SULT1E1: variants seen among roughly 807,000 people sequenced by gnomAD.
SULT1E1 encodes sulfotransferase 1E1.
Under a neutral mutation model 33.6 loss-of-function variants are expected in SULT1E1, and 36 were observed. That is an observed-to-expected ratio of 1.07 (90% CI 0.82 to 1.41). The LOEUF (loss-of-function observed/expected upper bound fraction) is 1.41, where lower values mean the gene tolerates loss of function less well. Ranked by LOEUF, SULT1E1 falls within the 40% of genes most tolerant of loss-of-function variation. The probability of loss-of-function intolerance (pLI) is 0.00; values close to 1 mark genes in which losing one functional copy is unlikely to be tolerated. For synonymous variants in SULT1E1, 121 were observed against 111.7 expected (o/e 1.08, Z -0.53); for missense variants, 371 against 345.7 (o/e 1.07, Z -0.58).
downstream of SULT1E1, among the ~76,000 whole-genome samples, chr4:69,839,975 G>C (rs911910827): frequency 2.6e-5 from 4 of 152,074 alleles, no homozygotes; most frequent in African/African-American, 9.7e-5. Flanking sequence ...GCTTACTTAC[G>C]TCAATTATAA....
chr4:69,846,678 G>A (rs1720984251), intron 6 of SULT1E1, among the ~76,000 whole-genome samples: 1 of 151,624 alleles, frequency 6.6e-6, no homozygotes. Context: ...GTTTGCCTTT[G>A]CTAGATAATG....
intron 4 of SULT1E1, among the ~76,000 whole-genome samples, chr4:69,850,022 T>C (rs1721070172): frequency 6.7e-6 from 1 of 150,328 alleles, no homozygotes; most frequent in African/African-American, 2.4e-5. Context: ...TCCACATAAT[T>C]AAAAAAAAAT....
chr4:69,855,241 C>T, intron 3 of SULT1E1, 60 bp downstream of exon 3: 2 of 1,522,498 alleles, frequency 1.3e-6, no homozygotes, highest in Non-Finnish European at 1.8e-6. Flanking sequence ...TTGCTTGTAC[C>T]ATGTACATAC....
chr4:69,840,098 A>C (rs1464624655), downstream of SULT1E1, among the ~76,000 whole-genome samples: 2 of 152,194 alleles, frequency 1.3e-5, no homozygotes, highest in Non-Finnish European at 2.9e-5. Context: ...AATGTAAAAC[A>C]ATTGTTTTCA....
At position 69,857,533 on chromosome 4, in the gene SULT1E1, C is replaced by G. The variant is rs1721267492; in HGVS notation, c.112G>C (p.Asp38His). 1.2e-6 allele frequency: 2 copies of G among 1,610,610 alleles called. No individual in the cohort carries two copies. Among genetic ancestry groups the G allele is most frequent in the Non-Finnish European group, 1.7e-6 (2 of 1,179,106 alleles). ...DNVEAFQARP[D>H]DLVIATYPKS... Reference sequence around the variant, plus strand: ...GGGTAGGTGGCAATGACAAGATCATCTGGTCTTGCCTGGAACGCTTCCACA... The same window carrying G: ...GGGTAGGTGGCAATGACAAGATCATGTGGTCTTGCCTGGAACGCTTCCACA... Residue 38 changes from aspartate (D) to histidine (H), a missense_variant, in exon 2 of 8, where the codon GAT (aspartate) becomes CAT (histidine). By Grantham distance (81) the Asp-to-His change is moderately conservative. Coordinates refer to ENST00000226444, the MANE Select transcript of SULT1E1 (RefSeq NM_005420.3).
the SULT1E1 span, among the ~76,000 whole-genome samples, chr4:69,832,812 C>T: frequency 6.6e-6 from 1 of 152,026 alleles, no homozygotes; most frequent in Non-Finnish European, 1.5e-5. Flanking sequence ...GAACTCATAA[C>T]ACTTACAGAG....
chr4:69,823,125 C>A, the SULT1E1 span, among the ~76,000 whole-genome samples: 2 of 152,192 alleles, frequency 1.3e-5, no homozygotes, highest in African/African-American at 4.8e-5. Flanking sequence ...GCAGACTCAA[C>A]GTCCAAAGAC....
At chr4:69,836,833 T>C (rs972284024), downstream of SULT1E1, among the ~76,000 whole-genome samples, 1 of 152,238 alleles carries the variant, frequency 6.6e-6, no homozygotes, top group Non-Finnish European at 1.5e-5. Flanking sequence ...TGGTTTTATC[T>C]GAAATTGTAA....
the SULT1E1 span, among the ~76,000 whole-genome samples, chr4:69,828,158 T>A: frequency 6.6e-6 from 1 of 152,152 alleles, no homozygotes; most frequent in Non-Finnish European, 1.5e-5. Context: ...GGTGAGGCCT[T>A]CTCAGTGTTA....
chr4:69,839,680 GCCACCCCTATGTAT>G (rs1312154523), downstream of SULT1E1, among the ~76,000 whole-genome samples: 1 of 152,028 alleles, frequency 6.6e-6, no homozygotes, highest in Non-Finnish European at 1.5e-5. Flanking sequence ...AGCTACATTG[GCCACCCCTATGTAT>G]TTTACCACAT....
rs1440086663 is a variant in SULT1E1 at position 69,857,768 on chromosome 4, T to C, written c.-9-115A>G. On this transcript the variant is annotated intron_variant, in intron 1 of 7. Transcript: ENST00000226444. ...CCTAGCACTTCTTAGTTGTTGCACATATGGGGCAAAAACATAGTAAAGTTG... is the reference window on the plus strand; with the variant it reads ...CCTAGCACTTCTTAGTTGTTGCACACATGGGGCAAAAACATAGTAAAGTTG... The C allele has an allele frequency of 6.7e-6, 6 of 891,050 alleles. No individual in the cohort carries two copies. The African/African-American group carries it at 6.8e-5, about 10-fold the overall frequency. 55.2% of individuals were successfully genotyped at this position (891,050 alleles called of 1,614,324 possible).
chr4:69,855,055 A>C (rs1318177801), intron 3 of SULT1E1, among the ~76,000 whole-genome samples: 1 of 152,072 alleles, frequency 6.6e-6, no homozygotes, highest in Non-Finnish European at 1.5e-5. Flanking sequence ...AAATGTTTAC[A>C]TATTACTAAA....
At chr4:69,848,430 A>G (rs575766809) in intron 5 of SULT1E1, among the ~76,000 whole-genome samples, 1 of 151,956 alleles carries the variant, frequency 6.6e-6, no homozygotes, top group South Asian at 2.1e-4. Context: ...TAAAGCTGAC[A>G]AAATAATATA....
At chr4:69,823,299 C>T in the SULT1E1 span, among the ~76,000 whole-genome samples, 1 of 152,116 alleles carries the variant, frequency 6.6e-6, no homozygotes, top group Non-Finnish European at 1.5e-5. Context: ...GTTATCTGGG[C>T]CACTATTTCA....
intron 3 of SULT1E1, 34 bp from the exon 4 acceptor site, chr4:69,854,348 C>T: frequency 7.2e-7 from 1 of 1,387,010 alleles, no homozygotes; most frequent in Non-Finnish European, 1.0e-6. Flanking sequence ...TAAGCAACTT[C>T]AAAAATTGTA....
chr4:69,844,914 C>T (rs1720944100), intron 6 of SULT1E1, among the ~76,000 whole-genome samples: 1 of 152,088 alleles, frequency 6.6e-6, no homozygotes. Context: ...GCAATACTAA[C>T]CGCAATGTGT....
At chr4:69,844,391 C>T in intron 6 of SULT1E1, 50 bp from the exon 7 acceptor site, 1 of 1,393,332 alleles carries the variant, frequency 7.2e-7, no homozygotes, top group East Asian at 2.4e-5. Flanking sequence ...CTGAATAAAT[C>T]ACTATCTAAA....
chr4:69,828,277 T>C, the SULT1E1 span, among the ~76,000 whole-genome samples: 44 of 152,336 alleles, frequency 2.9e-4, no homozygotes, highest in African/African-American at 9.9e-4. Flanking sequence ...GCTTTGTTCT[T>C]TCGCTCTTCA....
chr4:69,828,649 A>G, the SULT1E1 span, among the ~76,000 whole-genome samples: 3 of 152,212 alleles, frequency 2.0e-5, no homozygotes, highest in African/African-American at 7.2e-5. Context: ...GAAGGAACCA[A>G]TTCTGGACAC....
Sources: allele counts gnomAD v4.1 joint callset (sites outside exome capture counted in the v4.1 genomes callset), GRCh38; gene constraint gnomAD v4.1.1; transcripts MANE v1.5; gene names NCBI Gene and HGNC (gene_info 2026-07-23, HGNC 2026-07-21).